THSD7A: variants seen among roughly 807,000 people sequenced by gnomAD.
The protein encoded by THSD7A is thrombospondin type 1 domain containing 7A.
THSD7A carries 96 observed loss-of-function variants against 231.3 expected under a neutral mutation model. The observed-to-expected ratio is 0.41, with a 90% CI of 0.35 to 0.49. The LOEUF (loss-of-function observed/expected upper bound fraction) is 0.49. THSD7A is among the 20% of genes least tolerant of loss of function. The probability of loss-of-function intolerance (pLI) is 0.05; values close to 1 mark genes in which losing one functional copy is unlikely to be tolerated. For missense variants in THSD7A, 2,290 were observed against 2,070.2 expected, an observed-to-expected ratio of 1.11 and a Z score of -2.06; for synonymous variants, 940 against 743.3, an observed-to-expected ratio of 1.26 and a Z score of -4.30.
chr7:11,666,491 A>G (rs934579064), intron 1 of THSD7A, among the ~76,000 whole-genome samples: 5 of 152,014 alleles, frequency 3.3e-5, no homozygotes, highest in African/African-American at 1.2e-4. Context: ...CTCCACCTGT[A>G]TTATAATTTA....
intron 7 of THSD7A, among the ~76,000 whole-genome samples, chr7:11,477,384 A>T (rs1033955579): frequency 2.0e-5 from 3 of 152,200 alleles, no homozygotes; most frequent in Non-Finnish European, 4.4e-5. Flanking sequence ...TTCTCATTAT[A>T]TCATACTGAG....
In THSD7A at chr7:11,672,643, T is replaced by C. The variant is rs182501545; in HGVS notation, c.191-35682A>G. Reference sequence around the variant, plus strand: ...TTTTAACTTTTGCCTAGAATTTTAATTTGATTTCATAGTATCACACACTCA... The same window carrying C: ...TTTTAACTTTTGCCTAGAATTTTAACTTGATTTCATAGTATCACACACTCA... On this transcript the variant is annotated intron_variant, in intron 1 of 27. Coordinates refer to ENST00000423059, the MANE Select transcript of THSD7A (RefSeq NM_015204.3). 2.0e-4 allele frequency among the ~76,000 whole-genome samples: 30 copies of C among 152,308 alleles called. No individual in the cohort carries two copies. In the East Asian group the frequency reaches 4.8e-3, roughly 24 times the overall value.
intron 1 of THSD7A, among the ~76,000 whole-genome samples, chr7:11,676,938 G>C (rs1458662762): frequency 6.6e-6 from 1 of 151,992 alleles, no homozygotes; most frequent in African/African-American, 2.4e-5. Context: ...GATACTCCTC[G>C]AGAAAAACAA....
intron 6 of THSD7A, among the ~76,000 whole-genome samples, chr7:11,505,161 A>G (rs974500851): frequency 6.6e-6 from 1 of 152,188 alleles, no homozygotes; most frequent in African/African-American, 2.4e-5. Flanking sequence ...AAAAAACTAA[A>G]TTATGTTTTG....
At chr7:11,662,871 T>C in intron 1 of THSD7A, among the ~76,000 whole-genome samples, 1 of 151,180 alleles carries the variant, frequency 6.6e-6, no homozygotes, top group East Asian at 1.9e-4. Context: ...CATATGAAAA[T>C]AAAAATGTGC....
chr7:11,417,750 T>C (rs889769613), intron 16 of THSD7A, 147 bp from the exon 17 acceptor site: 4 of 748,276 alleles, frequency 5.3e-6, no homozygotes, highest in Non-Finnish European at 4.1e-6. Flanking sequence ...CTTTGTTATC[T>C]AATAAAATTC....
Position 11,724,743 on chromosome 7 carries a change from C to T in THSD7A, c.191-87782G>A, listed in dbSNP as rs148086710. ...GAAAAATTGCCATTTTCTTTGAAAA[C>T]CACCATTACATATACCAGAATACAC... is the stretch of plus-strand genomic sequence containing the variant. On this transcript the variant is annotated intron_variant, in intron 1 of 27. Transcript: ENST00000423059. Among the ~76,000 whole-genome samples the T allele has an allele frequency of 3.5e-3, 537 of 151,976 alleles. 2 individuals carry two copies. The highest frequency in any genetic ancestry group is 5.3e-3 in the Non-Finnish European group (359 of 67,906).
intron 1 of THSD7A, among the ~76,000 whole-genome samples, chr7:11,771,563 T>C (rs1783229866): frequency 6.6e-6 from 1 of 152,186 alleles, no homozygotes; most frequent in Non-Finnish European, 1.5e-5. Context: ...TATTGCTAAA[T>C]TACTTTATGC....
chr7:11,729,311 C>A (rs945318540), intron 1 of THSD7A, among the ~76,000 whole-genome samples: 4 of 151,692 alleles, frequency 2.6e-5, no homozygotes, highest in Admixed American at 2.0e-4. Flanking sequence ...TGACACTTAA[C>A]AAAAGTGGTG....
At chr7:11,476,087 A>T (rs1334828545) in intron 7 of THSD7A, among the ~76,000 whole-genome samples, 2 of 151,954 alleles carry the variant, frequency 1.3e-5, no homozygotes, top group Non-Finnish European at 2.9e-5. Flanking sequence ...AAAAATTGGT[A>T]AAGCTAAAAG....
intron 1 of THSD7A, among the ~76,000 whole-genome samples, chr7:11,651,050 C>G (rs1011596898): frequency 1.3e-5 from 2 of 151,844 alleles, no homozygotes; most frequent in Admixed American, 1.3e-4. Flanking sequence ...TGGAAACAAT[C>G]CAAATGTCTA....
intron 1 of THSD7A, among the ~76,000 whole-genome samples, chr7:11,681,972 A>G (rs867121224): frequency 6.6e-6 from 1 of 152,128 alleles, no homozygotes; most frequent in South Asian, 2.1e-4. Context: ...TTAAAAAAAG[A>G]AATTCCAACA....
Position 11,668,155 on chromosome 7 carries a change from C to T in THSD7A, c.191-31194G>A, listed in dbSNP as rs187687423. On this transcript the variant is annotated intron_variant, in intron 1 of 27. Transcript: ENST00000423059. ...TTTTTTCCTCAAAAGAAATGGAAGG[C>T]CGGGCATGGTGGCTAACAGCTGTAA... Among the ~76,000 whole-genome samples the T allele has an allele frequency of 5.3e-5, 8 of 152,152 alleles. No homozygotes were observed. In the East Asian group the frequency reaches 1.5e-3, roughly 29 times the overall value.
intron 1 of THSD7A, among the ~76,000 whole-genome samples, chr7:11,685,053 A>G (rs531474288): frequency 1.3e-5 from 2 of 151,962 alleles, no homozygotes; most frequent in East Asian, 3.9e-4. Flanking sequence ...AGAATAGAGG[A>G]CACAGAAATA....
intron 1 of THSD7A, among the ~76,000 whole-genome samples, chr7:11,702,814 A>T (rs574573185): frequency 1.3e-5 from 2 of 151,190 alleles, no homozygotes; most frequent in East Asian, 3.9e-4. Context: ...ACACTACCTG[A>T]CTCCTGCTAA....
chr7:11,560,924 G>C (rs1790050896), intron 4 of THSD7A, among the ~76,000 whole-genome samples: 3 of 152,274 alleles, frequency 2.0e-5, no homozygotes, highest in African/African-American at 7.2e-5. Flanking sequence ...ATGGATGATG[G>C]TGTTTGCTAC....
intron 25 of THSD7A, 50 bp downstream of exon 25, chr7:11,379,580 G>C: frequency 2.7e-6 from 4 of 1,468,368 alleles, no homozygotes; most frequent in Non-Finnish European, 3.7e-6. Flanking sequence ...GAGACAGTGG[G>C]GTGACACATG....
At chr7:11,764,991 A>G (rs1272698787) in intron 1 of THSD7A, among the ~76,000 whole-genome samples, 1 of 152,124 alleles carries the variant, frequency 6.6e-6, no homozygotes, top group Non-Finnish European at 1.5e-5. Context: ...AACCTGAGAG[A>G]TAAGGAAGAT....
At chr7:11,760,692 G>A (rs1385206571) in intron 1 of THSD7A, among the ~76,000 whole-genome samples, 2 of 151,904 alleles carry the variant, frequency 1.3e-5, no homozygotes, top group Admixed American at 1.3e-4. Context: ...CTTTCATGTT[G>A]TACCAGAGGC....
Sources: allele counts gnomAD v4.1 joint callset (sites outside exome capture counted in the v4.1 genomes callset), GRCh38; gene constraint gnomAD v4.1.1; transcripts MANE v1.5; gene names NCBI Gene and HGNC (gene_info 2026-07-23, HGNC 2026-07-21).